Variants in PDZD2 observed in about 807,000 individuals in gnomAD.
PDZD2 encodes the protein PDZ domain containing 2, also known as PDZ domain-containing protein 2.
A neutral mutation model predicts 220.7 loss-of-function variants in PDZD2; 90 were observed. That is an observed-to-expected ratio of 0.41 (90% CI 0.34 to 0.49). PDZD2 has a LOEUF of 0.49. PDZD2 is among the 20% of genes least tolerant of loss of function. The pLI is 0.28. For missense variants in PDZD2, 3,174 were observed against 3,608.5 expected, an observed-to-expected ratio of 0.88 and a Z score of 3.08; for synonymous variants, 1,375 against 1,450.5, an observed-to-expected ratio of 0.95 and a Z score of 1.18.
At chr5:32,003,336 A>ACACACACACCT (rs1752492929) in intron 5 of PDZD2, among the ~76,000 whole-genome samples, 1 of 11,198 alleles carries the variant, frequency 8.9e-5, no homozygotes, top group Non-Finnish European at 2.1e-4. Context: ...CACCCCCACC[A>ACACACACACCT]CACCACACAC....
At chr5:31,928,228 G>A (rs919641833) in intron 2 of PDZD2, among the ~76,000 whole-genome samples, 16 of 152,106 alleles carry the variant, frequency 1.1e-4, no homozygotes, top group African/African-American at 3.9e-4. Flanking sequence ...AAAAGATGGG[G>A]TGGGAACCAT....
At chr5:31,850,835 G>A (rs1018579449) in intron 2 of PDZD2, among the ~76,000 whole-genome samples, 9 of 151,626 alleles carry the variant, frequency 5.9e-5, no homozygotes, top group South Asian at 2.1e-4. Context: ...ACGGAGTTTC[G>A]CCGTGTTAGC....
At chr5:31,931,878 G>T (rs1479747147) in intron 2 of PDZD2, among the ~76,000 whole-genome samples, 1 of 152,148 alleles carries the variant, frequency 6.6e-6, no homozygotes, top group Non-Finnish European at 1.5e-5. Flanking sequence ...CTGGATGGGA[G>T]GGGAGGGGTG....
At chr5:32,068,555 C>T (rs1740429381) in intron 14 of PDZD2, among the ~76,000 whole-genome samples, 1 of 152,214 alleles carries the variant, frequency 6.6e-6, no homozygotes. Context: ...TGGCATTAAA[C>T]TTTCTGTGAG....
intron 14 of PDZD2, among the ~76,000 whole-genome samples, chr5:32,069,300 C>T (rs559980663): frequency 3.3e-5 from 5 of 151,102 alleles, no homozygotes; most frequent in Admixed American, 1.3e-4. Context: ...GTGAGTTTTC[C>T]GGAGAGGCAG....
intron 1 of PDZD2, among the ~76,000 whole-genome samples, chr5:31,755,875 C>T (rs1751279126): frequency 6.6e-6 from 1 of 152,016 alleles, no homozygotes. Context: ...GAGTAAAAGG[C>T]TATGTATTTA....
intron 1 of PDZD2, among the ~76,000 whole-genome samples, chr5:31,682,133 G>C (rs953158274): frequency 1.3e-5 from 2 of 152,210 alleles, no homozygotes; most frequent in African/African-American, 4.8e-5. Context: ...CTAGAGGCGA[G>C]AGCGAGGGTA....
At chr5:31,725,869 A>G (rs1749097435) in intron 1 of PDZD2, 3 of 769,642 alleles carry the variant, frequency 3.9e-6, no homozygotes, top group Non-Finnish European at 7.1e-6. Context: ...GTGGTCTTCC[A>G]GTTGGTCTTT....
rs142070250 is a variant in PDZD2 at position 31,963,717 on chromosome 5, C to T, written c.477-19438C>T. Among the ~76,000 whole-genome samples the T allele has an allele frequency of 3.8e-3, 576 of 152,238 alleles. 1 individual carries two copies. Among genetic ancestry groups the T allele is most frequent in the Middle Eastern group, 6.8e-3 (2 of 294 alleles). ...AAGAGTCAGACTCCAGCTGATGGAC[C>T]GGGAAGCAAAACAAGAGTCCAACAT... is the stretch of plus-strand genomic sequence containing the variant. On this transcript the variant is annotated intron_variant, in intron 2 of 24. Coordinates refer to ENST00000438447, the MANE Select transcript of PDZD2 (RefSeq NM_178140.4).
intron 1 of PDZD2, among the ~76,000 whole-genome samples, chr5:31,660,925 G>T (rs150471522): frequency 6.6e-6 from 1 of 152,020 alleles, no homozygotes; most frequent in Non-Finnish European, 1.5e-5. Context: ...GTGGAGATGG[G>T]GTCTTGCTAT....
At chr5:32,027,150 C>T (rs1367314221) in intron 6 of PDZD2, among the ~76,000 whole-genome samples, 4 of 152,098 alleles carry the variant, frequency 2.6e-5, no homozygotes, top group Non-Finnish European at 4.4e-5. Flanking sequence ...GTGCTCCACC[C>T]GCCTCGGCCT....
intron 2 of PDZD2, among the ~76,000 whole-genome samples, chr5:31,849,244 G>A (rs532730418): frequency 3.9e-5 from 6 of 152,204 alleles, no homozygotes; most frequent in East Asian, 3.9e-4. Flanking sequence ...TAATGATTAC[G>A]CACACCCTTT....
At chr5:32,037,997 G>A (rs1304757197) in intron 7 of PDZD2, among the ~76,000 whole-genome samples, 2 of 150,940 alleles carry the variant, frequency 1.3e-5, no homozygotes, top group South Asian at 2.1e-4. Context: ...GCCCGCCACC[G>A]TGCCTGGCTA....
At chr5:31,661,801 T>TC (rs1554060461) in intron 1 of PDZD2, among the ~76,000 whole-genome samples, 3 of 148,088 alleles carry the variant, frequency 2.0e-5, no homozygotes, top group Non-Finnish European at 4.5e-5. Context: ...TTTTTTTTTC[T>TC]TTTTTTTTCA....
At chr5:32,022,963 C>T (rs1754341038) in intron 6 of PDZD2, among the ~76,000 whole-genome samples, 1 of 152,080 alleles carries the variant, frequency 6.6e-6, no homozygotes, top group Non-Finnish European at 1.5e-5. Flanking sequence ...GAGGCCTTTG[C>T]TGTACCTAGT....
intron 1 of PDZD2, among the ~76,000 whole-genome samples, chr5:31,699,677 C>T (rs1203543050): frequency 6.6e-6 from 1 of 152,042 alleles, no homozygotes; most frequent in Non-Finnish European, 1.5e-5. Context: ...GATCTTGGCT[C>T]ACTGCAATCT....
chr5:32,080,480 T>C (rs954553474), intron 19 of PDZD2, among the ~76,000 whole-genome samples: 9 of 152,126 alleles, frequency 5.9e-5, no homozygotes, highest in African/African-American at 2.2e-4. Context: ...TCATACATTT[T>C]AAGAGTGCAT....
At position 31,723,427 on chromosome 5, in the gene PDZD2, C is replaced by T. The variant is rs1368853214; in HGVS notation, c.-360-75462C>T. ...CTTTCAGAGAAATACTAGAAATTAT[C>T]AATGGTTAAAGGTATTACTTGTTTA... On this transcript the variant is annotated intron_variant, in intron 1 of 24. Transcript: ENST00000438447. Among the ~76,000 whole-genome samples, 2 of 151,878 alleles carry T rather than the reference C, an allele frequency of 1.3e-5. 1 individual carries two copies. Among genetic ancestry groups the T allele is most frequent in the East Asian group, 3.9e-4 (2 of 5,184 alleles).
rs773673829 is a variant in PDZD2 at position 32,057,858 on chromosome 5, T to C, written c.1975-20T>C. The C allele has an allele frequency of 2.3e-5, 35 of 1,543,282 alleles. No individual in the cohort carries two copies. In the East Asian group the frequency reaches 7.5e-4, roughly 33 times the overall value. On this transcript the variant is annotated intron_variant, in intron 11 of 24. Transcript: ENST00000438447. ...GACATTCCAAATGTTTCAGCCCACC[T>C]TTCCTCACTGTTTTCTCAGCAAATC...
Sources: allele counts gnomAD v4.1 joint callset (sites outside exome capture counted in the v4.1 genomes callset), GRCh38; gene constraint gnomAD v4.1.1; transcripts MANE v1.5; gene names NCBI Gene and HGNC (gene_info 2026-07-23, HGNC 2026-07-21).